The following SLC25A21 variants were observed in gnomAD, a reference collection of about 807,000 sequenced individuals.
SLC25A21 encodes the protein mitochondrial 2-oxodicarboxylate carrier.
SLC25A21 carries 47 observed loss-of-function variants against 43.8 expected under a neutral mutation model. The ratio of observed to expected loss-of-function variants is 1.07; its 90% CI spans 0.85 to 1.37. SLC25A21 has a LOEUF of 1.37. SLC25A21 is among the 40% of genes most tolerant of loss of function. The probability of loss-of-function intolerance (pLI) is 0.00; values close to 1 mark genes in which losing one functional copy is unlikely to be tolerated. For missense variants in SLC25A21, 352 were observed against 350.2 expected, an observed-to-expected ratio of 1.00 and a Z score of -0.04; for synonymous variants, 131 against 121.3, an observed-to-expected ratio of 1.08 and a Z score of -0.52.
chr14:37,089,608 T>C (rs1419534529), intron 1 of SLC25A21, among the ~76,000 whole-genome samples: 1 of 152,164 alleles, frequency 6.6e-6, no homozygotes, highest in Non-Finnish European at 1.5e-5. Context: ...AGCCATTTGA[T>C]GACATCAGGG....
chr14:37,015,418 C>T (rs1960831222), intron 1 of SLC25A21, among the ~76,000 whole-genome samples: 1 of 151,964 alleles, frequency 6.6e-6, no homozygotes, highest in Admixed American at 6.6e-5. Flanking sequence ...ATATATGCCA[C>T]ATTTTCTTAA....
At chr14:37,136,663 A>C (rs745633161) in intron 1 of SLC25A21, among the ~76,000 whole-genome samples, 23 of 152,168 alleles carry the variant, frequency 1.5e-4, no homozygotes, top group Non-Finnish European at 2.8e-4. Context: ...GATGTCCTTA[A>C]ATAGTTGAAT....
chr14:37,109,248 G>A (rs977015389), intron 1 of SLC25A21, among the ~76,000 whole-genome samples: 1 of 152,064 alleles, frequency 6.6e-6, no homozygotes, highest in Non-Finnish European at 1.5e-5. Context: ...GATTACGATG[G>A]TGTGCGTGAT....
chr14:36,752,026 G>T (rs1194349139), intron 3 of SLC25A21, among the ~76,000 whole-genome samples: 1 of 152,212 alleles, frequency 6.6e-6, no homozygotes. Flanking sequence ...CTGGGCTAGG[G>T]ATAGAGCAGT....
chr14:37,130,282 A>T lies in SLC25A21; in HGVS notation c.70+41999T>A, dbSNP rs897393949. Among the ~76,000 whole-genome samples the T allele has an allele frequency of 1.8e-4, 28 of 152,242 alleles. 1 individual carries two copies. The Middle Eastern group carries it at 0.01, about 55-fold the overall frequency. On this transcript the variant is annotated intron_variant, in intron 1 of 9. Transcript: ENST00000331299. ...CTGTTTCTGAAAAGATTAATAAATTAAAAAAATTTTAACTTTTGAAAGACT... is the reference window on the plus strand; with the variant it reads ...CTGTTTCTGAAAAGATTAATAAATTTAAAAAATTTTAACTTTTGAAAGACT...
chr14:36,997,549 T>C lies in SLC25A21; in HGVS notation c.71-122545A>G, dbSNP rs142322206. Among the ~76,000 whole-genome samples the C allele has an allele frequency of 2.4e-3, 362 of 152,164 alleles. 1 individual carries two copies. The highest frequency in any genetic ancestry group is 8.4e-3 in the African/African-American group (347 of 41,530). ...AATATTTAAAAGTATATTATTTAGGTTGGGCACAATGGCTCATGCCTGTAA... is the reference window on the plus strand; with the variant it reads ...AATATTTAAAAGTATATTATTTAGGCTGGGCACAATGGCTCATGCCTGTAA... On this transcript the variant is annotated intron_variant, in intron 1 of 9. Coordinates refer to ENST00000331299, the MANE Select transcript of SLC25A21 (RefSeq NM_030631.4).
chr14:37,165,557 A>C (rs1694639671), intron 1 of SLC25A21, among the ~76,000 whole-genome samples: 1 of 152,160 alleles, frequency 6.6e-6, no homozygotes, highest in Non-Finnish European at 1.5e-5. Context: ...GAATATGAGT[A>C]AAAGATTCTG....
chr14:37,084,465 T>C (rs1962446436), intron 1 of SLC25A21, among the ~76,000 whole-genome samples: 1 of 152,222 alleles, frequency 6.6e-6, no homozygotes, highest in South Asian at 2.1e-4. Flanking sequence ...CAGTCTACTT[T>C]TTATTTTTCA....
In SLC25A21 at chr14:36,680,534, A is replaced by AT; in HGVS notation, c.*123dup. 1 of 1,373,044 alleles carries AT rather than the reference A, an allele frequency of 7.3e-7. No individual in the cohort carries two copies. Among genetic ancestry groups the AT allele is most frequent in the Non-Finnish European group, 9.4e-7 (1 of 1,060,158 alleles). 85.1% of individuals were successfully genotyped at this position (1,373,044 alleles called of 1,614,324 possible). The stretch of plus-strand genomic sequence containing the variant: ...GACATTTTTTAAAGTATTAAAATAG[A>AT]TTTTGTTCTTGAACAGTTTTCTCCT... On this transcript the variant is annotated 3_prime_UTR_variant, in exon 10 of 10. Coordinates refer to ENST00000331299, the MANE Select transcript of SLC25A21 (RefSeq NM_030631.4).
intron 6 of SLC25A21, among the ~76,000 whole-genome samples, chr14:36,716,658 C>T (rs188773753): frequency 2.5e-4 from 38 of 152,308 alleles, no homozygotes; most frequent in Admixed American, 7.8e-4. Context: ...GTACTACCAA[C>T]GAATCACTGA....
intron 1 of SLC25A21, among the ~76,000 whole-genome samples, chr14:36,898,242 C>T (rs1891300303): frequency 1.3e-5 from 2 of 152,198 alleles, no homozygotes; most frequent in Non-Finnish European, 2.9e-5. Flanking sequence ...GGCAGGCGCC[C>T]CTCCCCCAGC....
intron 2 of SLC25A21, among the ~76,000 whole-genome samples, chr14:36,825,230 C>A (rs1283513522): frequency 6.6e-6 from 1 of 152,016 alleles, no homozygotes; most frequent in African/African-American, 2.4e-5. Context: ...AACTAATGAG[C>A]TCTGTAGCTT....
intron 1 of SLC25A21, among the ~76,000 whole-genome samples, chr14:37,169,170 G>C (rs1169228575): frequency 1.3e-5 from 2 of 152,082 alleles, no homozygotes; most frequent in African/African-American, 2.4e-5. Context: ...GCTGACTGTG[G>C]TGCTATGGGC....
At chr14:36,949,714 C>A (rs866406221) in intron 1 of SLC25A21, among the ~76,000 whole-genome samples, 3 of 151,996 alleles carry the variant, frequency 2.0e-5, no homozygotes, top group Admixed American at 6.6e-5. Flanking sequence ...ATATTAATGT[C>A]CATTTCTAGA....
At chr14:36,918,442 C>T (rs751660609) in intron 1 of SLC25A21, among the ~76,000 whole-genome samples, 1 of 152,118 alleles carries the variant, frequency 6.6e-6, no homozygotes. Flanking sequence ...TATTGAAAAG[C>T]TATTATTCTT....
At chr14:36,905,892 A>C (rs936000548) in intron 1 of SLC25A21, among the ~76,000 whole-genome samples, 2 of 152,154 alleles carry the variant, frequency 1.3e-5, no homozygotes, top group Non-Finnish European at 2.9e-5. Context: ...TACAAATGGA[A>C]AAAGGGAAGG....
chr14:36,876,842 T>C (rs1183232333), intron 1 of SLC25A21, among the ~76,000 whole-genome samples: 1 of 150,886 alleles, frequency 6.6e-6, no homozygotes, highest in Non-Finnish European at 1.5e-5. Context: ...TGTATATATA[T>C]GAAATATATA....
At chr14:36,920,835 C>T (rs1358193231) in intron 1 of SLC25A21, among the ~76,000 whole-genome samples, 1 of 152,096 alleles carries the variant, frequency 6.6e-6, no homozygotes, top group African/African-American at 2.4e-5. Context: ...AGCAATTTCA[C>T]ATATCTTACG....
intron 1 of SLC25A21, among the ~76,000 whole-genome samples, chr14:37,081,214 T>C (rs1283318223): frequency 6.6e-6 from 1 of 152,210 alleles, no homozygotes; most frequent in Non-Finnish European, 1.5e-5. Flanking sequence ...ATTACAATGT[T>C]ACCTAAGTTA....
Sources: allele counts gnomAD v4.1 joint callset (sites outside exome capture counted in the v4.1 genomes callset), GRCh38; gene constraint gnomAD v4.1.1; transcripts MANE v1.5; gene names NCBI Gene and HGNC (gene_info 2026-07-23, HGNC 2026-07-21).